ITGB5: variants seen among roughly 807,000 people sequenced by gnomAD.
ITGB5 encodes the protein integrin subunit beta 5.
In ITGB5, 38 loss-of-function variants were observed where a neutral mutation model predicts 84.8. The ratio of observed to expected loss-of-function variants is 0.45; its 90% CI spans 0.35 to 0.59. ITGB5 has a LOEUF of 0.59. Ranked by LOEUF, ITGB5 falls within the 20% of genes least tolerant of loss-of-function variation. The pLI, the probability that ITGB5 is intolerant of heterozygous loss-of-function variation, is 0.01. For synonymous variants in ITGB5, 393 were observed against 414.4 expected (o/e 0.95, Z 0.63); for missense variants, 905 against 1,034.5 (o/e 0.87, Z 1.72).
At chr3:124,863,123 TG>T (rs2065328996) in intron 2 of ITGB5, 1 of 152,224 alleles carries the variant, frequency 6.6e-6, no homozygotes, top group Non-Finnish European at 1.5e-5. Context: ...TCAGGCCATA[TG>T]GTTTTGTTGA....
chr3:124,880,537 C>T (rs1393382049), intron 1 of ITGB5, among the ~76,000 whole-genome samples: 2 of 152,134 alleles, frequency 1.3e-5, no homozygotes, highest in Non-Finnish European at 2.9e-5. Context: ...AGCAGTTGAG[C>T]CCAGGAGTTC....
chr3:124,854,175 G>A (rs1396154739), intron 3 of ITGB5, among the ~76,000 whole-genome samples: 4 of 152,112 alleles, frequency 2.6e-5, no homozygotes, highest in African/African-American at 9.7e-5. Flanking sequence ...CCTTCAAAAA[G>A]TTAAACATAG....
rs770416459 is a variant in ITGB5 at position 124,821,409 on chromosome 3, G to A, written c.846C>T (p.His282=). 8 of 1,614,116 alleles carry A rather than the reference G, an allele frequency of 5.0e-6. No individual in the cohort carries two copies. In the South Asian group the frequency reaches 7.7e-5, roughly 16 times the overall value. Residue 282 remains histidine (H), a synonymous_variant, in exon 6 of 15, where the codon CAC becomes CAT. Transcript: ENST00000296181. The part of the protein sequence containing the change: ...LLVFTTDDVP[H]IALDGKLGGL... ...CTCCCAATTTTCCATCCAATGCGATGTGGGGCACATCATCTGTTGTGAACA... is the reference window on the plus strand; with the variant it reads ...CTCCCAATTTTCCATCCAATGCGATATGGGGCACATCATCTGTTGTGAACA...
intron 5 of ITGB5, among the ~76,000 whole-genome samples, chr3:124,821,850 A>G (rs2064708911): frequency 6.6e-6 from 1 of 151,840 alleles, no homozygotes; most frequent in African/African-American, 2.4e-5. Flanking sequence ...CCCCAGAACA[A>G]CTTTTAACCT....
chr3:124,784,846 G>C (rs151233031), intron 10 of ITGB5, among the ~76,000 whole-genome samples: 1 of 152,208 alleles, frequency 6.6e-6, no homozygotes, highest in Non-Finnish European at 1.5e-5. Context: ...CTTGGTCACC[G>C]CAACAGGATG....
At chr3:124,893,826 C>G (rs539658917) in intron 1 of ITGB5, among the ~76,000 whole-genome samples, 1 of 152,062 alleles carries the variant, frequency 6.6e-6, no homozygotes, top group South Asian at 2.1e-4. Flanking sequence ...AAACAAGTCT[C>G]GACAGAAATT....
upstream of ITGB5, among the ~76,000 whole-genome samples, chr3:124,889,587 C>G (rs866008289): frequency 5.3e-5 from 8 of 152,140 alleles, no homozygotes; most frequent in Admixed American, 1.3e-4. Context: ...CTATAATATC[C>G]TCATGTTTGT....
chr3:124,898,826 A>G (rs1173225621), intron 1 of ITGB5, among the ~76,000 whole-genome samples: 3 of 149,334 alleles, frequency 2.0e-5, no homozygotes, highest in Non-Finnish European at 4.4e-5. Context: ...CTGTAATCCC[A>G]GTACTTTGGG....
At chr3:124,796,305 T>C (rs764272059) in intron 10 of ITGB5, 83 bp downstream of exon 10, 8 of 1,265,988 alleles carry the variant, frequency 6.3e-6, no homozygotes, top group Non-Finnish European at 8.9e-6. Context: ...CTACCACCAC[T>C]GAGTAAAAGG....
At chr3:124,782,280 T>C (rs2064016596) in intron 10 of ITGB5, among the ~76,000 whole-genome samples, 1 of 152,108 alleles carries the variant, frequency 6.6e-6, no homozygotes, top group Non-Finnish European at 1.5e-5. Context: ...AGCAGGTAGG[T>C]GGCAGGGCTG....
At chr3:124,837,818 G>A (rs2064955727) in intron 5 of ITGB5, among the ~76,000 whole-genome samples, 1 of 152,214 alleles carries the variant, frequency 6.6e-6, no homozygotes, top group Admixed American at 6.5e-5. Flanking sequence ...CTGGGAGATA[G>A]GCCTGTTATC....
chr3:124,804,448 T>G (rs2064363279), intron 9 of ITGB5, among the ~76,000 whole-genome samples: 1 of 152,044 alleles, frequency 6.6e-6, no homozygotes, highest in African/African-American at 2.4e-5. Flanking sequence ...CTTGGGAGGC[T>G]GAGGCGGGAG....
chr3:124,813,717 G>A (rs1193991102), intron 8 of ITGB5, among the ~76,000 whole-genome samples: 1 of 152,190 alleles, frequency 6.6e-6, no homozygotes, highest in South Asian at 2.1e-4. Flanking sequence ...CCACTCTCCA[G>A]GAACCTGTCC....
intron 3 of ITGB5, among the ~76,000 whole-genome samples, chr3:124,855,023 A>G (rs978614809): frequency 2.0e-5 from 3 of 152,172 alleles, no homozygotes; most frequent in Non-Finnish European, 4.4e-5. Context: ...CTAAAAATAT[A>G]CAATGGAGGC....
chr3:124,821,549 C>T, intron 5 of ITGB5, 75 bp from the exon 6 acceptor site: 1 of 1,519,580 alleles, frequency 6.6e-7, no homozygotes, highest in Non-Finnish European at 9.0e-7. Context: ...GCACTGGCCC[C>T]TCTCCAGGAG....
chr3:124,871,734 G>A (rs1056593436), intron 2 of ITGB5, among the ~76,000 whole-genome samples: 2 of 152,090 alleles, frequency 1.3e-5, no homozygotes, highest in Non-Finnish European at 2.9e-5. Flanking sequence ...GCTGAGGTAG[G>A]AGGACTGCTT....
intron 10 of ITGB5, among the ~76,000 whole-genome samples, chr3:124,795,737 C>T (rs780037829): frequency 2.0e-5 from 3 of 152,102 alleles, no homozygotes; most frequent in Non-Finnish European, 4.4e-5. Flanking sequence ...TCAGAGAGAT[C>T]TGAGGATGTT....
At chr3:124,883,817 G>A (rs1299846449) in intron 1 of ITGB5, among the ~76,000 whole-genome samples, 1 of 152,190 alleles carries the variant, frequency 6.6e-6, no homozygotes. Context: ...TCACCTCAGT[G>A]AGACCCCTGG....
At chr3:124,878,566 T>G (rs1559984404) in intron 1 of ITGB5, 2 of 151,798 alleles carry the variant, frequency 1.3e-5, no homozygotes, top group Non-Finnish European at 2.9e-5. Context: ...AGCACTGGAC[T>G]GGGGGGATGC....
Sources: gnomAD v4.1 joint callset for allele counts (sites outside exome capture counted in the v4.1 genomes callset) on GRCh38, gnomAD v4.1.1 for gene constraint, MANE v1.5 for transcripts, NCBI Gene and HGNC (gene_info 2026-07-23, HGNC 2026-07-21) for gene names.